GYPC: variants seen among roughly 807,000 people sequenced by gnomAD.
The protein encoded by GYPC is glycophorin C (Gerbich blood group).
A neutral mutation model predicts 12.6 loss-of-function variants in GYPC; 14 were observed. The ratio of observed to expected loss-of-function variants is 1.11; its 90% CI spans 0.74 to 1.74. The LOEUF (loss-of-function observed/expected upper bound fraction) is 1.74. Among genes scored for constraint, GYPC ranks in the 40% most tolerant of loss-of-function variants. GYPC has a pLI of 0.00. For synonymous variants in GYPC, 78 were observed against 62.1 expected (o/e 1.26, Z -1.20); for missense variants, 225 against 172.1 (o/e 1.31, Z -1.72).
rs1393336767 is a variant in GYPC at position 126,667,549 on chromosome 2, A to G, written c.49+11237A>G. Reference sequence around the variant, plus strand: ...CTCCCGAGTAGCTGGGATTACAGGCATGCACCACCACGCCTGGCTAATTTT... The same window carrying G: ...CTCCCGAGTAGCTGGGATTACAGGCGTGCACCACCACGCCTGGCTAATTTT... On this transcript the variant is annotated intron_variant, in intron 1 of 3. Transcript: ENST00000259254. Among the ~76,000 whole-genome samples, 4 of 152,156 alleles carry G rather than the reference A, an allele frequency of 2.6e-5. No homozygotes were observed. The East Asian group carries it at 7.7e-4, about 29-fold the overall frequency.
Position 126,661,431 on chromosome 2 carries a change from GC to G in GYPC, c.49+5121del, listed in dbSNP as rs1479145227. Among the ~76,000 whole-genome samples, 3 of 151,496 alleles carry G rather than the reference GC, an allele frequency of 2.0e-5. No individual in the cohort carries two copies. The East Asian group carries it at 5.8e-4, about 30-fold the overall frequency. Reference sequence around the variant, plus strand: ...CCTGCTTCTGCTTATGCATGTGAAAGCCAGATGCCCCTTCTCTCTCTCTCTT... The same window carrying G: ...CCTGCTTCTGCTTATGCATGTGAAAGCAGATGCCCCTTCTCTCTCTCTCTT... On this transcript the variant is annotated intron_variant, in intron 1 of 3. Transcript: ENST00000259254.
At chr2:126,656,405 G>T in intron 1 of GYPC, 93 bp downstream of exon 1, 1 of 1,147,034 alleles carries the variant, frequency 8.7e-7, no homozygotes, top group East Asian at 2.7e-5. Flanking sequence ...GGACGCCCTG[G>T]TGTCCCGGTC....
intron 1 of GYPC, among the ~76,000 whole-genome samples, chr2:126,685,547 A>G (rs887849435): frequency 1.3e-5 from 2 of 152,060 alleles, no homozygotes; most frequent in Non-Finnish European, 2.9e-5. Context: ...AGCATGCCCA[A>G]CTAATTTTTG....
intron 1 of GYPC, among the ~76,000 whole-genome samples, chr2:126,688,609 A>G (rs1412613612): frequency 6.6e-6 from 1 of 152,148 alleles, no homozygotes; most frequent in Non-Finnish European, 1.5e-5. Flanking sequence ...TGCTGACTCC[A>G]GACCCAGAGT....
chr2:126,673,265 T>A (rs1682902738), intron 1 of GYPC, among the ~76,000 whole-genome samples: 1 of 152,166 alleles, frequency 6.6e-6, no homozygotes, highest in African/African-American at 2.4e-5. Flanking sequence ...CCTGCGCTTC[T>A]CATCTTCACC....
At position 126,690,518 on chromosome 2, in the gene GYPC, C is replaced by G. The variant is rs35850561; in HGVS notation, c.106+207C>G. ...TTTGAATGTGGAATGGAGGAGTCTA[C>G]CCCTGGGTAAATAAATATACATAGG... On this transcript the variant is annotated intron_variant, in intron 2 of 3. Transcript: ENST00000259254. 4.6e-3 allele frequency among the ~76,000 whole-genome samples: 706 copies of G among 152,200 alleles called. 30 individuals are homozygous for G. The highest frequency in any genetic ancestry group is 0.036 in the Admixed American group (547 of 15,288).
chr2:126,677,506 AGTGTGTGTG>A (rs1683033736), intron 1 of GYPC, among the ~76,000 whole-genome samples: 1 of 136,726 alleles, frequency 7.3e-6, no homozygotes, highest in Admixed American at 7.4e-5. Flanking sequence ...TGTGTATGAG[AGTGTGTGTG>A]AGTCTGTGTG....
chr2:126,659,211 G>A (rs950323584), intron 1 of GYPC, among the ~76,000 whole-genome samples: 6 of 152,212 alleles, frequency 3.9e-5, no homozygotes, highest in African/African-American at 1.2e-4. Flanking sequence ...AAGTGAGACT[G>A]AGCATGTTTT....
intron 1 of GYPC, chr2:126,657,475 A>G (rs1205614792): frequency 2.0e-5 from 3 of 152,224 alleles, no homozygotes; most frequent in Non-Finnish European, 4.4e-5. Context: ...AGTGCGTATA[A>G]ATGTCCCGGC....
intron 1 of GYPC, among the ~76,000 whole-genome samples, chr2:126,685,278 C>G (rs914933867): frequency 1.3e-5 from 2 of 152,186 alleles, no homozygotes; most frequent in Admixed American, 6.5e-5. Context: ...TTACCATGTC[C>G]CCAAAGGTTA....
intron 1 of GYPC, among the ~76,000 whole-genome samples, chr2:126,669,617 A>G (rs1682784662): frequency 6.6e-6 from 1 of 152,272 alleles, no homozygotes; most frequent in East Asian, 1.9e-4. Context: ...CCCTTTTGGG[A>G]CAGGATATTT....
intron 1 of GYPC, chr2:126,686,395 T>C (rs1021568813): frequency 2.0e-6 from 2 of 985,492 alleles, no homozygotes; most frequent in Non-Finnish European, 1.2e-6. Context: ...TGCCAGAGAA[T>C]GGACAGCTGA....
intron 1 of GYPC, among the ~76,000 whole-genome samples, chr2:126,663,491 T>C (rs1276445688): frequency 6.6e-6 from 1 of 152,028 alleles, no homozygotes; most frequent in Non-Finnish European, 1.5e-5. Flanking sequence ...TGGAGAGAGG[T>C]CATCTTTGCC....
intron 1 of GYPC, among the ~76,000 whole-genome samples, chr2:126,677,545 G>A (rs1421548776): frequency 6.6e-6 from 1 of 151,418 alleles, no homozygotes; most frequent in Non-Finnish European, 1.5e-5. Flanking sequence ...CTGTGTGTAT[G>A]TGAGTGTGTG....
At chr2:126,688,400 C>T (rs1409038162) in intron 1 of GYPC, among the ~76,000 whole-genome samples, 3 of 152,216 alleles carry the variant, frequency 2.0e-5, no homozygotes, top group Admixed American at 2.0e-4. Flanking sequence ...TTTATACATG[C>T]ATGCATTTAC....
At chr2:126,667,405 CTTT>C (rs1227420253) in intron 1 of GYPC, among the ~76,000 whole-genome samples, 1 of 138,228 alleles carries the variant, frequency 7.2e-6, no homozygotes. Context: ...TTTTTTTTTT[CTTT>C]TTTTTTTTTT....
At chr2:126,665,176 G>A (rs1682645493) in intron 1 of GYPC, among the ~76,000 whole-genome samples, 1 of 152,192 alleles carries the variant, frequency 6.6e-6, no homozygotes, top group Admixed American at 6.5e-5. Flanking sequence ...TCTCTATGGG[G>A]AAGAGGGTGA....
chr2:126,657,181 G>A (rs1422383028), intron 1 of GYPC, among the ~76,000 whole-genome samples: 1 of 152,194 alleles, frequency 6.6e-6, no homozygotes, highest in Non-Finnish European at 1.5e-5. Context: ...AAATCCAGGG[G>A]GTTGTGAGGC....
intron 2 of GYPC, among the ~76,000 whole-genome samples, chr2:126,692,779 AT>A (rs28387214): frequency 1.4e-4 from 22 of 152,292 alleles, no homozygotes; most frequent in African/African-American, 4.8e-4. Flanking sequence ...GTAAAGACCT[AT>A]GGGAGGGCTT....
Sources: gnomAD v4.1 joint callset for allele counts (sites outside exome capture counted in the v4.1 genomes callset) on GRCh38, gnomAD v4.1.1 for gene constraint, MANE v1.5 for transcripts, NCBI Gene and HGNC (gene_info 2026-07-23, HGNC 2026-07-21) for gene names.